Variants in MSRA observed in about 807,000 individuals in gnomAD.
MSRA encodes the protein methionine sulfoxide reductase A.
In MSRA, 54 loss-of-function variants were observed where a neutral mutation model predicts 31.3. The ratio of observed to expected loss-of-function variants is 1.73; its 90% CI spans 1.39 to 2.17. The LOEUF (loss-of-function observed/expected upper bound fraction) is 2.17. Among genes scored for constraint, MSRA ranks in the 30% most tolerant of loss-of-function variants. The pLI, the probability that MSRA is intolerant of heterozygous loss-of-function variation, is 0.00. For missense variants in MSRA, 507 were observed against 300.9 expected, an observed-to-expected ratio of 1.69 and a Z score of -5.07; for synonymous variants, 169 against 116.5, an observed-to-expected ratio of 1.45 and a Z score of -2.90.
intron 5 of MSRA, among the ~76,000 whole-genome samples, chr8:10,417,795 T>G (rs1187440964): frequency 6.6e-6 from 1 of 150,810 alleles, no homozygotes. Flanking sequence ...TACACGCACG[T>G]GTGCACACGC....
chr8:10,404,711 C>T (rs776499009), intron 5 of MSRA, among the ~76,000 whole-genome samples: 10 of 152,252 alleles, frequency 6.6e-5, no homozygotes, highest in South Asian at 2.1e-4. Flanking sequence ...CGTGCCTTCT[C>T]GTGGCACCTG....
intron 1 of MSRA, among the ~76,000 whole-genome samples, chr8:10,097,200 C>G (rs1448765439): frequency 6.6e-6 from 1 of 152,160 alleles, no homozygotes; most frequent in African/African-American, 2.4e-5. Flanking sequence ...TGAAATCTAA[C>G]AGAGGTGTTT....
chr8:10,182,699 G>A (rs1379228306), intron 1 of MSRA, among the ~76,000 whole-genome samples: 1 of 152,152 alleles, frequency 6.6e-6, no homozygotes, highest in Non-Finnish European at 1.5e-5. Context: ...GAGCCATTGG[G>A]CTCAGGGCCT....
intron 3 of MSRA, among the ~76,000 whole-genome samples, chr8:10,268,461 G>A (rs1798859745): frequency 6.6e-6 from 1 of 152,192 alleles, no homozygotes; most frequent in African/African-American, 2.4e-5. Flanking sequence ...AGGTTAGGGT[G>A]GGGCATTCAT....
chr8:10,251,869 G>GC (rs1366364817), intron 3 of MSRA, among the ~76,000 whole-genome samples: 2,286 of 151,486 alleles, frequency 0.015, 44 homozygotes, highest in Non-Finnish European at 0.025. Flanking sequence ...GGTGGGGGGG[G>GC]GGGGACATAG....
At chr8:10,177,184 C>A (rs1015337058) in intron 1 of MSRA, among the ~76,000 whole-genome samples, 33 of 152,114 alleles carry the variant, frequency 2.2e-4, no homozygotes, top group African/African-American at 8.0e-4. Flanking sequence ...GTGAAATGTT[C>A]CAACCTTGAA....
intron 3 of MSRA, among the ~76,000 whole-genome samples, chr8:10,278,332 T>C (rs1214816227): frequency 6.6e-6 from 1 of 152,222 alleles, no homozygotes; most frequent in African/African-American, 2.4e-5. Flanking sequence ...CACTGTGGAA[T>C]TGGACCACCT....
chr8:10,394,894 G>A (rs748918892), intron 5 of MSRA, among the ~76,000 whole-genome samples: 1 of 152,236 alleles, frequency 6.6e-6, no homozygotes. Flanking sequence ...GTAAATCAGT[G>A]ACCTACAGTT....
At chr8:10,159,525 A>G (rs1804459463) in intron 1 of MSRA, among the ~76,000 whole-genome samples, 2 of 152,386 alleles carry the variant, frequency 1.3e-5, no homozygotes, top group South Asian at 4.1e-4. Context: ...AGAAAAATGC[A>G]TGGAAGTACA....
intron 4 of MSRA, among the ~76,000 whole-genome samples, chr8:10,311,571 C>G (rs1230890838): frequency 6.6e-6 from 1 of 151,264 alleles, no homozygotes; most frequent in Non-Finnish European, 1.5e-5. Context: ...CTTTTTTTTT[C>G]TCTTACCATA....
chr8:10,408,145 G>C (rs990148845), intron 5 of MSRA, among the ~76,000 whole-genome samples: 1 of 152,198 alleles, frequency 6.6e-6, no homozygotes. Context: ...AGGCCAGGGA[G>C]AAAGGGTCGC....
At chr8:10,418,629 G>A (rs1808620779) in intron 5 of MSRA, among the ~76,000 whole-genome samples, 1 of 152,042 alleles carries the variant, frequency 6.6e-6, no homozygotes, top group African/African-American at 2.4e-5. Context: ...TGGTCCCCAA[G>A]AGACACTATT....
chr8:10,082,659 A>G (rs1183106996), intron 1 of MSRA, among the ~76,000 whole-genome samples: 4 of 152,304 alleles, frequency 2.6e-5, no homozygotes, highest in African/African-American at 9.6e-5. Context: ...GTTGGACTAC[A>G]TGTCGAACCA....
intron 1 of MSRA, among the ~76,000 whole-genome samples, chr8:10,178,131 TG>T: frequency 6.6e-6 from 1 of 152,208 alleles, no homozygotes. Context: ...AAATCTTATT[TG>T]TAAAGAGGCT....
intron 2 of MSRA, among the ~76,000 whole-genome samples, chr8:10,209,956 A>G (rs1204172059): frequency 1.3e-5 from 2 of 152,212 alleles, no homozygotes; most frequent in Non-Finnish European, 2.9e-5. Context: ...GCTCTTCCAG[A>G]TGCTTAAATT....
At chr8:10,218,541 A>G (rs1289111802) in intron 2 of MSRA, among the ~76,000 whole-genome samples, 1 of 152,198 alleles carries the variant, frequency 6.6e-6, no homozygotes, top group East Asian at 1.9e-4. Flanking sequence ...TAATTCTAGC[A>G]TTTTTTAAAT....
intron 5 of MSRA, among the ~76,000 whole-genome samples, chr8:10,322,624 T>C (rs1299044862): frequency 1.3e-5 from 2 of 152,142 alleles, no homozygotes; most frequent in Admixed American, 6.5e-5. Flanking sequence ...GTTTCTGCCT[T>C]GCAGGGAGGA....
At chr8:10,220,399 ACATTACCAT>A (rs1563233271) in intron 2 of MSRA, among the ~76,000 whole-genome samples, 3 of 152,214 alleles carry the variant, frequency 2.0e-5, no homozygotes, top group Non-Finnish European at 4.4e-5. Context: ...ATCATGGTAG[ACATTACCAT>A]GAAGAAACTC....
intron 1 of MSRA, among the ~76,000 whole-genome samples, chr8:10,128,933 G>C (rs1801693362): frequency 1.3e-5 from 2 of 152,242 alleles, no homozygotes; most frequent in South Asian, 4.2e-4. Context: ...CAGTCTCCTT[G>C]GTAAACTTGT....
Sources: gnomAD v4.1 joint callset for allele counts (sites outside exome capture counted in the v4.1 genomes callset) on GRCh38, gnomAD v4.1.1 for gene constraint, MANE v1.5 for transcripts, NCBI Gene and HGNC (gene_info 2026-07-23, HGNC 2026-07-21) for gene names.